The following FAM117A variants were observed in gnomAD, a reference collection of about 807,000 sequenced individuals.
The protein encoded by FAM117A is family with sequence similarity 117 member A.
FAM117A carries 21 observed loss-of-function variants against 44.1 expected under a neutral mutation model. The ratio of observed to expected loss-of-function variants is 0.48; its 90% CI spans 0.34 to 0.69. The LOEUF (loss-of-function observed/expected upper bound fraction) is 0.69. FAM117A is among the 30% of genes least tolerant of loss of function. The pLI is 0.01. For synonymous variants in FAM117A, 220 were observed against 238.3 expected (o/e 0.92, Z 0.71); for missense variants, 498 against 589.9 (o/e 0.84, Z 1.61).
intron 5 of FAM117A, among the ~76,000 whole-genome samples, chr17:49,719,368 A>G (rs1243457124): frequency 6.6e-6 from 1 of 152,184 alleles, no homozygotes; most frequent in Non-Finnish European, 1.5e-5. Context: ...TGAAGGAGGC[A>G]TGCGTGTTAC....
At chr17:49,733,598 G>C in intron 1 of FAM117A, among the ~76,000 whole-genome samples, 1 of 151,972 alleles carries the variant, frequency 6.6e-6, no homozygotes, top group East Asian at 1.9e-4. Flanking sequence ...GGTTGAACCT[G>C]GGAGGTGGAG....
chr17:49,732,438 G>T, intron 2 of FAM117A, 113 bp downstream of exon 2: 1 of 1,014,874 alleles, frequency 9.9e-7, no homozygotes, highest in South Asian at 1.6e-5. Context: ...TAATATGTAC[G>T]ACCAAAACCC....
chr17:49,724,729 G>A (rs537250142), intron 2 of FAM117A, among the ~76,000 whole-genome samples: 3 of 150,428 alleles, frequency 2.0e-5, no homozygotes, highest in Admixed American at 1.3e-4. Context: ...GCTGAGGCAC[G>A]AGAATTGCTT....
chr17:49,724,131 G>A (rs1279679018), intron 2 of FAM117A, among the ~76,000 whole-genome samples: 2 of 152,124 alleles, frequency 1.3e-5, no homozygotes, highest in African/African-American at 4.8e-5. Context: ...CAAAGCCTCA[G>A]AAAAGGCTGG....
intron 1 of FAM117A, among the ~76,000 whole-genome samples, chr17:49,741,538 A>T (rs2073634566): frequency 6.6e-6 from 1 of 152,092 alleles, no homozygotes; most frequent in South Asian, 2.1e-4. Context: ...TCAGTCAGTG[A>T]TCTTCACTTA....
intron 1 of FAM117A, among the ~76,000 whole-genome samples, chr17:49,745,260 G>A (rs1224120002): frequency 6.6e-6 from 1 of 151,992 alleles, no homozygotes; most frequent in Admixed American, 6.6e-5. Flanking sequence ...CAATTTTTTG[G>A]TTATTCTTCT....
chr17:49,749,096 C>T (rs1005567570), intron 1 of FAM117A, among the ~76,000 whole-genome samples: 4 of 152,200 alleles, frequency 2.6e-5, no homozygotes, highest in African/African-American at 9.7e-5. Context: ...AACCTGCTCA[C>T]TCACAAGGCG....
chr17:49,713,786 A>G (rs565708641), intron 7 of FAM117A, among the ~76,000 whole-genome samples: 30 of 152,274 alleles, frequency 2.0e-4, no homozygotes, highest in African/African-American at 7.2e-4. Flanking sequence ...AATTATAGGT[A>G]TCAGCCACTG....
At chr17:49,721,036 G>A (rs1452836335) in intron 3 of FAM117A, among the ~76,000 whole-genome samples, 1 of 152,152 alleles carries the variant, frequency 6.6e-6, no homozygotes, top group Non-Finnish European at 1.5e-5. Context: ...AATAGCAATG[G>A]AAGATGATGT....
Position 49,764,080 on chromosome 17 carries a change from C to A in FAM117A, c.8G>T (p.Gly3Val), listed in dbSNP as rs2073735317. The change falls in exon 1 of 8, where the codon GGG (glycine) becomes GTG (valine). Residue 3 changes from glycine (G) to valine (V), a missense_variant. Coordinates refer to ENST00000240364, the MANE Select transcript of FAM117A (RefSeq NM_030802.4). ...TCCGCCTCTGCCGCCCGCTGCGGCCCCCGCCATGGCTCTCCCGGCTGCCTG... is the reference window on the plus strand; with the variant it reads ...TCCGCCTCTGCCGCCCGCTGCGGCCACCGCCATGGCTCTCCCGGCTGCCTG... MA[G>V]AAAGGRGGGA... 1 of 1,267,250 alleles carries A rather than the reference C, an allele frequency of 7.9e-7. No individual in the cohort carries two copies. The highest frequency in any genetic ancestry group is 1.0e-6 in the Non-Finnish European group (1 of 1,002,970). 78.5% of individuals were successfully genotyped at this position (1,267,250 alleles called of 1,614,324 possible).
chr17:49,770,338 G>A (rs1420145470), intron 1 of FAM117A, among the ~76,000 whole-genome samples: 2 of 149,290 alleles, frequency 1.3e-5, no homozygotes, highest in African/African-American at 2.5e-5. Flanking sequence ...ACAAGCTACT[G>A]ATATTTGCTA....
chr17:49,739,265 C>T (rs780421982), intron 1 of FAM117A, among the ~76,000 whole-genome samples: 28 of 152,162 alleles, frequency 1.8e-4, no homozygotes, highest in Non-Finnish European at 4.1e-4. Flanking sequence ...TACCCAAAGA[C>T]GTGCAGAGTA....
At chr17:49,774,379 A>G (rs1042905326) in intron 1 of FAM117A, among the ~76,000 whole-genome samples, 2 of 99,334 alleles carry the variant, frequency 2.0e-5, no homozygotes, top group African/African-American at 8.1e-5. Context: ...TTTTTTTTTG[A>G]GACGGAGTCT....
upstream of FAM117A, among the ~76,000 whole-genome samples, chr17:49,767,042 C>T (rs941880228): frequency 6.6e-5 from 10 of 152,178 alleles, no homozygotes; most frequent in African/African-American, 2.2e-4. Context: ...TGGCAAGACA[C>T]TAAAGTTGAT....
intron 4 of FAM117A, 91 bp from the exon 5 acceptor site, chr17:49,719,985 C>T: frequency 2.7e-6 from 4 of 1,482,314 alleles, no homozygotes; most frequent in South Asian, 2.6e-5. Context: ...CATGTCCACA[C>T]AGCAGAACTG....
rs755171907 is a variant in FAM117A at position 49,720,321 on chromosome 17, C to T, written c.573+5G>A. On this transcript the variant is annotated splice_donor_5th_base_variant and intron_variant, in intron 4 of 7. Coordinates refer to ENST00000240364, the MANE Select transcript of FAM117A (RefSeq NM_030802.4). ...GAGGGGAGAGGGCTGGGGGAGAAAA[C>T]ATACCCTCAGTGCTCCCCGCACTGC... 5 of 1,609,926 alleles carry T rather than the reference C, an allele frequency of 3.1e-6. No homozygotes were observed. Among genetic ancestry groups the T allele is most frequent in the South Asian group, 1.1e-5 (1 of 91,010 alleles).
At chr17:49,719,568 C>T (rs150039477) in intron 5 of FAM117A, 192 bp downstream of exon 5, 125 of 641,328 alleles carry the variant, frequency 1.9e-4, no homozygotes, top group Non-Finnish European at 2.9e-4. Flanking sequence ...AAAGCCTGCC[C>T]TAGTGACATG....
At position 49,717,603 on chromosome 17, in the gene FAM117A, A is replaced by G; in HGVS notation, c.820T>C (p.Ser274Pro). 6.2e-7 allele frequency: 1 copy of G among 1,614,134 alleles called. No individual in the cohort carries two copies. The highest frequency in any genetic ancestry group is 2.2e-5 in the East Asian group (1 of 44,874). ...CCACAAGGCTGGGGAGATGCCAAGG[A>G]CATGGAAGGAGAGCTGGCAAGGTTG... ...PGNLASSPSM[S>P]LASPQPCGLA... The change falls in exon 6 of 8, where the codon TCC becomes CCC. Residue 274 changes from serine to proline, a missense_variant. Ser to Pro is a moderately conservative substitution (Grantham distance 74). Transcript: ENST00000240364.
rs1278408383 is a variant in FAM117A at position 49,732,404 on chromosome 17, T to C, written c.366+147A>G. 4 of 753,694 alleles carry C rather than the reference T, an allele frequency of 5.3e-6. No homozygotes were observed. In the African/African-American group the frequency reaches 5.3e-5, roughly 10 times the overall value. 46.7% of individuals were successfully genotyped at this position (753,694 alleles called of 1,614,324 possible). A position where few individuals can be genotyped will look rare whatever the true frequency, so the allele number is the denominator to read the frequency against. ...TGGGTGACAAAAGGAAACTCTGTCT[T>C]AAGAAGATAAAACATTACATGGATA... On this transcript the variant is annotated intron_variant, in intron 2 of 7. Coordinates refer to ENST00000240364, the MANE Select transcript of FAM117A (RefSeq NM_030802.4).
Sources: allele counts gnomAD v4.1 joint callset (sites outside exome capture counted in the v4.1 genomes callset), GRCh38; gene constraint gnomAD v4.1.1; transcripts MANE v1.5; gene names NCBI Gene and HGNC (gene_info 2026-07-23, HGNC 2026-07-21).